The following MITF variants were observed in gnomAD, a reference collection of about 807,000 sequenced individuals.
MITF encodes microphthalmia-associated transcription factor.
In MITF, 17 loss-of-function variants were observed where a neutral mutation model predicts 60.5. The observed-to-expected ratio is 0.28, with a 90% CI of 0.19 to 0.42. The LOEUF is 0.42. Ranked by LOEUF, MITF falls within the 10% of genes least tolerant of loss-of-function variation. MITF has a pLI of 1.00. For synonymous variants in MITF, 260 were observed against 248.5 expected (o/e 1.05, Z -0.43); for missense variants, 622 against 683.5 (o/e 0.91, Z 1.00).
chr3:69,815,978 T>A (rs1461969901), intron 1 of MITF, among the ~76,000 whole-genome samples: 1 of 152,168 alleles, frequency 6.6e-6, no homozygotes, highest in African/African-American at 2.4e-5. Flanking sequence ...CTTTCTGGGA[T>A]CTCTACAGAA....
At chr3:69,801,521 G>A (rs766893557) in intron 1 of MITF, among the ~76,000 whole-genome samples, 5 of 152,250 alleles carry the variant, frequency 3.3e-5, no homozygotes, top group East Asian at 1.9e-4. Flanking sequence ...AATATAGACC[G>A]CATTGATGCC....
At chr3:69,859,302 C>T (rs1349132645) in intron 1 of MITF, among the ~76,000 whole-genome samples, 1 of 152,218 alleles carries the variant, frequency 6.6e-6, no homozygotes, top group African/African-American at 2.4e-5. Flanking sequence ...GACTTCCATA[C>T]CACCTTCCAC....
chr3:69,856,199 T>C (rs910505465), intron 1 of MITF, among the ~76,000 whole-genome samples: 2 of 152,236 alleles, frequency 1.3e-5, no homozygotes, highest in Non-Finnish European at 2.9e-5. Flanking sequence ...ACATTCTTTA[T>C]ATCTCTCAAT....
chr3:69,922,582 G>C (rs1285873739), intron 2 of MITF, among the ~76,000 whole-genome samples: 3 of 152,160 alleles, frequency 2.0e-5, no homozygotes, highest in African/African-American at 7.2e-5. Flanking sequence ...TTTAACAAAA[G>C]GGCAGTCTTG....
chr3:69,760,390 G>A (rs949396866), intron 1 of MITF, among the ~76,000 whole-genome samples: 7 of 152,218 alleles, frequency 4.6e-5, no homozygotes, highest in African/African-American at 1.2e-4. Flanking sequence ...GGTGGTGGAA[G>A]AATGCAGGTC....
intron 1 of MITF, among the ~76,000 whole-genome samples, chr3:69,844,327 A>G (rs1195178444): frequency 1.3e-5 from 2 of 152,198 alleles, no homozygotes; most frequent in African/African-American, 4.8e-5. Context: ...GACATCTACA[A>G]CCATCTGATC....
At position 69,787,233 on chromosome 3, in the gene MITF, G is replaced by A. The variant is rs116764169; in HGVS notation, c.104+47532G>A. The stretch of plus-strand genomic sequence containing the variant: ...TGGTTAGTATAGACACCAGAACCAT[G>A]TTCCACTCCTGAATTCTAAGGGGGA... On this transcript the variant is annotated intron_variant, in intron 1 of 9. Coordinates refer to ENST00000352241, the MANE Select transcript of MITF (RefSeq NM_001354604.2). 6.7e-3 allele frequency among the ~76,000 whole-genome samples: 1,019 copies of A among 152,296 alleles called. 11 individuals carry two copies. The highest frequency in any genetic ancestry group is 0.023 in the African/African-American group (968 of 41,544).
chr3:69,847,777 CTT>C (rs1319551661), intron 1 of MITF, among the ~76,000 whole-genome samples: 1 of 152,222 alleles, frequency 6.6e-6, no homozygotes, highest in Non-Finnish European at 1.5e-5. Context: ...TCCTCCAAGA[CTT>C]TGCCATGTTT....
chr3:69,868,715 A>C (rs920070306), intron 1 of MITF, among the ~76,000 whole-genome samples: 2 of 152,108 alleles, frequency 1.3e-5, no homozygotes, highest in African/African-American at 2.4e-5. Flanking sequence ...CCTGGCCAAC[A>C]TGATGAAATC....
intron 1 of MITF, chr3:69,764,050 A>G (rs1348262339): frequency 3.7e-5 from 33 of 880,388 alleles, no homozygotes; most frequent in Non-Finnish European, 4.6e-5. Flanking sequence ...TCTTGTTCAT[A>G]AATGGCTAGA....
intron 1 of MITF, among the ~76,000 whole-genome samples, chr3:69,842,938 C>G (rs1010650679): frequency 1.3e-5 from 2 of 152,144 alleles, no homozygotes; most frequent in Non-Finnish European, 2.9e-5. Flanking sequence ...TGGAGAGTTT[C>G]GGTCCTACCT....
chr3:69,793,159 G>A (rs747596614), intron 1 of MITF, among the ~76,000 whole-genome samples: 1 of 151,344 alleles, frequency 6.6e-6, no homozygotes, highest in Admixed American at 6.6e-5. Context: ...AACTATAGGC[G>A]CTTGCCACCA....
At chr3:69,814,904 G>C (rs1449998784) in intron 1 of MITF, among the ~76,000 whole-genome samples, 1 of 152,130 alleles carries the variant, frequency 6.6e-6, no homozygotes, top group Non-Finnish European at 1.5e-5. Flanking sequence ...TATAGTGTCT[G>C]TGTAACTGAC....
Position 69,810,372 on chromosome 3 carries a change from A to G in MITF, c.105-68762A>G, listed in dbSNP as rs528546393. On this transcript the variant is annotated intron_variant, in intron 1 of 9. Coordinates refer to ENST00000352241, the MANE Select transcript of MITF (RefSeq NM_001354604.2). The stretch of plus-strand genomic sequence containing the variant: ...TCTTAAATCTTTCACACTGAATTGG[A>G]TAGGTTTTTGAAGTTCAAACTGCGT... 2.3e-4 allele frequency among the ~76,000 whole-genome samples: 35 copies of G among 152,040 alleles called. No homozygotes were observed. The South Asian group carries it at 2.5e-3, about 11-fold the overall frequency.
chr3:69,798,719 A>G (rs1372249550), intron 1 of MITF, among the ~76,000 whole-genome samples: 3 of 152,180 alleles, frequency 2.0e-5, no homozygotes, highest in African/African-American at 7.2e-5. Context: ...TTGCCTCCCC[A>G]TAGTGCTTTA....
intron 5 of MITF, among the ~76,000 whole-genome samples, chr3:69,941,750 A>G (rs9843611): frequency 0.062 from 9,380 of 152,176 alleles, 727 homozygotes; most frequent in African/African-American, 0.18. Context: ...GGGACATTGG[A>G]GTTACCCTTC....
At chr3:69,936,635 C>A in intron 2 of MITF, 1 of 1,592,126 alleles carries the variant, frequency 6.3e-7, no homozygotes, top group Non-Finnish European at 8.6e-7. Flanking sequence ...TTCTCTTTGC[C>A]AGTCCATCTT....
chr3:69,917,138 C>G (rs987502221), intron 2 of MITF, among the ~76,000 whole-genome samples: 7 of 152,052 alleles, frequency 4.6e-5, no homozygotes, highest in Non-Finnish European at 1.0e-4. Flanking sequence ...AGGCTTAAAT[C>G]GAGCAGGTGA....
At chr3:69,767,584 C>CAAACA (rs551113671) in intron 1 of MITF, among the ~76,000 whole-genome samples, 71 of 151,870 alleles carry the variant, frequency 4.7e-4, no homozygotes, top group Non-Finnish European at 2.4e-4. Flanking sequence ...GACTCCATCT[C>CAAACA]AAACAAAACA....
Sources: allele counts gnomAD v4.1 joint callset (sites outside exome capture counted in the v4.1 genomes callset), GRCh38; gene constraint gnomAD v4.1.1; transcripts MANE v1.5; gene names NCBI Gene and HGNC (gene_info 2026-07-23, HGNC 2026-07-21).